The following GRID2 variants were observed in gnomAD, a reference collection of about 807,000 sequenced individuals.
GRID2 encodes glutamate ionotropic receptor delta type subunit 2.
Under a neutral mutation model 114.8 loss-of-function variants are expected in GRID2, and 33 were observed. The ratio of observed to expected loss-of-function variants is 0.29; its 90% CI spans 0.22 to 0.38. The LOEUF is 0.38. Ranked by LOEUF, GRID2 falls within the 10% of genes least tolerant of loss-of-function variation. The pLI is 1.00. For missense variants in GRID2, 1,184 were observed against 1,257.7 expected (o/e 0.94, Z 0.89); for synonymous variants, 505 against 449.9 (o/e 1.12, Z -1.55).
chr4:93,458,448 C>A (rs1477756372), intron 11 of GRID2, among the ~76,000 whole-genome samples: 1 of 151,998 alleles, frequency 6.6e-6, no homozygotes, highest in Non-Finnish European at 1.5e-5. Context: ...CCATTTGGGC[C>A]TCTCCATGAG....
At chr4:93,603,545 T>C (rs960931733) in intron 13 of GRID2, among the ~76,000 whole-genome samples, 6 of 152,184 alleles carry the variant, frequency 3.9e-5, no homozygotes, top group African/African-American at 1.2e-4. Flanking sequence ...TGAAGATCCA[T>C]TGATGGAGGT....
chr4:92,997,948 A>T (rs533360532), intron 2 of GRID2, among the ~76,000 whole-genome samples: 1 of 152,230 alleles, frequency 6.6e-6, no homozygotes, highest in Non-Finnish European at 1.5e-5. Flanking sequence ...AAAATTTGTC[A>T]AATCACATAT....
At chr4:93,526,365 T>C (rs572073568) in intron 13 of GRID2, among the ~76,000 whole-genome samples, 2 of 152,298 alleles carry the variant, frequency 1.3e-5, no homozygotes, top group African/African-American at 4.8e-5. Flanking sequence ...CCTCTTTTCT[T>C]TATCAATTAC....
At chr4:92,686,122 A>G (rs1733894226) in intron 2 of GRID2, among the ~76,000 whole-genome samples, 1 of 152,048 alleles carries the variant, frequency 6.6e-6, no homozygotes, top group Non-Finnish European at 1.5e-5. Flanking sequence ...TTCATTGCTT[A>G]AAGATTAACA....
chr4:92,671,417 T>C (rs1733065987), intron 2 of GRID2, among the ~76,000 whole-genome samples: 1 of 152,140 alleles, frequency 6.6e-6, no homozygotes, highest in Non-Finnish European at 1.5e-5. Context: ...ATTCAAGCCT[T>C]GTTAGATTCA....
intron 9 of GRID2, among the ~76,000 whole-genome samples, chr4:93,407,754 CTCGTCCTCCTCCTCCTCCTCCTCA>C (rs1766636339): frequency 3.4e-5 from 4 of 116,634 alleles, no homozygotes; most frequent in African/African-American, 1.4e-4. Context: ...CCTCCTCCTC[CTCGTCCTCCTCCTCCTCCTCCTCA>C]TCCTCCTCGT....
intron 1 of GRID2, among the ~76,000 whole-genome samples, chr4:92,401,436 C>A (rs1469530205): frequency 1.3e-5 from 2 of 152,178 alleles, no homozygotes; most frequent in East Asian, 1.9e-4. Context: ...AACACCAATT[C>A]TTTGTGGCAG....
intron 1 of GRID2, among the ~76,000 whole-genome samples, chr4:92,318,277 G>GAT (rs1196811813): frequency 7.1e-6 from 1 of 140,476 alleles, no homozygotes; most frequent in Non-Finnish European, 1.5e-5. Flanking sequence ...ACAAGTGTTG[G>GAT]ATATATATGT....
intron 1 of GRID2, among the ~76,000 whole-genome samples, chr4:92,585,689 TTA>T (rs1244271953): frequency 6.6e-6 from 1 of 151,906 alleles, no homozygotes; most frequent in Non-Finnish European, 1.5e-5. Context: ...TTAGAGGAAA[TTA>T]TGTGCAGGAT....
intron 2 of GRID2, among the ~76,000 whole-genome samples, chr4:92,885,312 G>C (rs1364774442): frequency 1.3e-5 from 2 of 152,110 alleles, no homozygotes; most frequent in African/African-American, 4.8e-5. Flanking sequence ...GCTAAGCCTG[G>C]GGGTGTTCTG....
At chr4:93,315,901 A>G (rs914881842) in intron 8 of GRID2, among the ~76,000 whole-genome samples, 8 of 152,166 alleles carry the variant, frequency 5.3e-5, no homozygotes, top group Admixed American at 4.6e-4. Context: ...GAAATAACCC[A>G]TTGACATACC....
intron 12 of GRID2, 114 bp downstream of exon 12, chr4:93,490,891 G>C (rs1482919977): frequency 7.3e-6 from 5 of 685,558 alleles, no homozygotes; most frequent in Non-Finnish European, 1.2e-5. Context: ...TTCTCTTTGA[G>C]TAAAGGATCA....
intron 1 of GRID2, among the ~76,000 whole-genome samples, chr4:92,392,252 C>T (rs1214606590): frequency 3.9e-5 from 6 of 152,030 alleles, no homozygotes; most frequent in Non-Finnish European, 8.8e-5. Context: ...TCAGTGTGCA[C>T]CCCTTGAGAA....
chr4:93,777,185 C>T (rs1183575813), downstream of GRID2, among the ~76,000 whole-genome samples: 4 of 152,178 alleles, frequency 2.6e-5, no homozygotes, highest in Non-Finnish European at 5.9e-5. Context: ...TTTTATAGAG[C>T]TGCACAGAGG....
chr4:92,928,120 A>G (rs758253557), intron 2 of GRID2, among the ~76,000 whole-genome samples: 1 of 151,722 alleles, frequency 6.6e-6, no homozygotes, highest in East Asian at 1.9e-4. Flanking sequence ...TGAGAAACCA[A>G]CAGAGAATTG....
intron 13 of GRID2, among the ~76,000 whole-genome samples, chr4:93,583,111 A>C (rs1455112942): frequency 6.6e-6 from 1 of 152,126 alleles, no homozygotes; most frequent in South Asian, 2.1e-4. Flanking sequence ...CTACGTCTCC[A>C]TGTGTCCTTT....
At chr4:92,560,899 G>C (rs1011004834) in intron 1 of GRID2, among the ~76,000 whole-genome samples, 2 of 151,992 alleles carry the variant, frequency 1.3e-5, no homozygotes, top group African/African-American at 2.4e-5. Context: ...GTAGAGACAG[G>C]GTTTCACCAT....
intron 2 of GRID2, among the ~76,000 whole-genome samples, chr4:92,611,902 T>A (rs966933545): frequency 2.6e-5 from 4 of 151,544 alleles, no homozygotes; most frequent in Non-Finnish European, 4.4e-5. Flanking sequence ...AGTTTTTTTT[T>A]AATCAGATAC....
chr4:93,225,029 A>T (rs1463426695), intron 7 of GRID2, among the ~76,000 whole-genome samples: 1 of 152,172 alleles, frequency 6.6e-6, no homozygotes, highest in Admixed American at 6.6e-5. Context: ...TGACTATGTC[A>T]TTAGCATTAG....
Sources: gnomAD v4.1 joint callset for allele counts (sites outside exome capture counted in the v4.1 genomes callset) on GRCh38, gnomAD v4.1.1 for gene constraint, MANE v1.5 for transcripts, NCBI Gene and HGNC (gene_info 2026-07-23, HGNC 2026-07-21) for gene names.